The following CACNA1C variants were observed in gnomAD, a reference collection of about 807,000 sequenced individuals.
CACNA1C encodes the protein calcium voltage-gated channel subunit alpha1 C, also known as voltage-dependent L-type calcium channel subunit alpha-1C.
A neutral mutation model predicts 229.0 loss-of-function variants in CACNA1C; 30 were observed. The ratio of observed to expected loss-of-function variants is 0.13; its 90% CI spans 0.10 to 0.18. The LOEUF is 0.18. Ranked by LOEUF, CACNA1C falls within the 10% of genes least tolerant of loss-of-function variation. The probability of loss-of-function intolerance (pLI) is 1.00; values close to 1 mark genes in which losing one functional copy is unlikely to be tolerated. For synonymous variants in CACNA1C, 1,114 were observed against 1,132.5 expected (o/e 0.98, Z 0.33); for missense variants, 1,658 against 2,845.0 (o/e 0.58, Z 9.49).
At chr12:2,041,270 CT>C (rs58922699) in intron 1 of CACNA1C, among the ~76,000 whole-genome samples, 6,607 of 90,484 alleles carry the variant, frequency 0.073, 151 homozygotes, top group East Asian at 0.4. Context: ...TAAGGGTATT[CT>C]TTTTTTTTTT....
chr12:2,200,961 G>A (rs1046262490), intron 3 of CACNA1C, among the ~76,000 whole-genome samples: 1 of 152,210 alleles, frequency 6.6e-6, no homozygotes, highest in Non-Finnish European at 1.5e-5. Context: ...AATGAAGGTA[G>A]CCTAGACATC....
intron 3 of CACNA1C, among the ~76,000 whole-genome samples, chr12:2,341,687 C>T (rs1343938565): frequency 2.0e-5 from 3 of 152,232 alleles, no homozygotes; most frequent in Non-Finnish European, 4.4e-5. Flanking sequence ...AGACCAGGTT[C>T]ATCATCTCCT....
intron 13 of CACNA1C, 56 bp downstream of exon 13, chr12:2,567,850 A>C (rs1568472457): frequency 9.2e-7 from 1 of 1,086,216 alleles, no homozygotes; most frequent in Non-Finnish European, 1.4e-6. Context: ...GTTCTTCCAG[A>C]GGGCAAGGGA....
chr12:2,552,265 G>A lies in CACNA1C; in HGVS notation c.1481+2232G>A, dbSNP rs144910650. Among the ~76,000 whole-genome samples the A allele has an allele frequency of 2.6e-3, 392 of 152,338 alleles. 1 individual carries two copies. Among genetic ancestry groups the A allele is most frequent in the African/African-American group, 8.8e-3 (366 of 41,580 alleles). On this transcript the variant is annotated intron_variant, in intron 10 of 46. Coordinates refer to ENST00000399655, the MANE Select transcript of CACNA1C (RefSeq NM_000719.7). Reference sequence around the variant, plus strand: ...CAACAGGGAGGAAATTGACACCATCGTGCTGGAGCTCACAGTCTAGTGTGG... The same window carrying A: ...CAACAGGGAGGAAATTGACACCATCATGCTGGAGCTCACAGTCTAGTGTGG...
At chr12:2,682,969 T>TTTTATAAACATTGTAGGCTG (rs1173748412) in intron 43 of CACNA1C, among the ~76,000 whole-genome samples, 6 of 8,234 alleles carry the variant, frequency 7.3e-4, no homozygotes. Context: ...CTGAACATTG[T>TTTTATAAACATTGTAGGCTG]TTTATAAACA....
chr12:2,095,115 T>C (rs2073275140), intron 1 of CACNA1C, among the ~76,000 whole-genome samples: 1 of 152,200 alleles, frequency 6.6e-6, no homozygotes, highest in South Asian at 2.1e-4. Context: ...CTGCTTTTGC[T>C]GTTAACCACC....
rs117691136 is a variant in CACNA1C, at chr12:2,000,413, T to G, written c.139+29212T>G. Among the ~76,000 whole-genome samples, 53 of 152,134 alleles carry G rather than the reference T, an allele frequency of 3.5e-4. 1 individual carries two copies. In the East Asian group the frequency reaches 7.0e-3, roughly 20 times the overall value. The stretch of plus-strand genomic sequence containing the variant: ...ATATATCAGCACACATAAAACTAAA[T>G]AGCTTCTGACTTGTTTCCTTTCTTC... On this transcript the variant is annotated intron_variant, in intron 1 of 46. Coordinates refer to the CACNA1C transcript ENST00000682462.
chr12:2,374,404 C>T (rs1314630036), intron 3 of CACNA1C, among the ~76,000 whole-genome samples: 1 of 152,218 alleles, frequency 6.6e-6, no homozygotes, highest in Non-Finnish European at 1.5e-5. Flanking sequence ...GCTTATTTTC[C>T]CATGACTGGG....
At chr12:2,177,934 G>A (rs903531945) in intron 3 of CACNA1C, among the ~76,000 whole-genome samples, 1 of 152,096 alleles carries the variant, frequency 6.6e-6, no homozygotes, top group Non-Finnish European at 1.5e-5. Context: ...ACTGCCCGTG[G>A]CTGATTTCCA....
chr12:2,097,283 C>T (rs1053950948), intron 1 of CACNA1C, among the ~76,000 whole-genome samples: 32 of 152,130 alleles, frequency 2.1e-4, no homozygotes, highest in East Asian at 3.9e-4. Context: ...GTAGCTGGGA[C>T]TACAGGCGCC....
intron 9 of CACNA1C, among the ~76,000 whole-genome samples, chr12:2,519,192 C>T (rs796397922): frequency 1.3e-5 from 2 of 152,374 alleles, no homozygotes; most frequent in African/African-American, 4.8e-5. Context: ...CTGGGCTACA[C>T]TGAGAGGTCC....
At chr12:2,022,053 G>A (rs1208349773) in intron 1 of CACNA1C, among the ~76,000 whole-genome samples, 1 of 152,172 alleles carries the variant, frequency 6.6e-6, no homozygotes, top group Admixed American at 6.5e-5. Context: ...CCACTGTCTA[G>A]GTGGAGTTGG....
rs560832046 is a variant in CACNA1C, at chr12:2,581,124, T to A, written c.1896-466T>A. On this transcript the variant is annotated intron_variant, in intron 13 of 46. Coordinates refer to ENST00000399655, the MANE Select transcript of CACNA1C (RefSeq NM_000719.7). Reference sequence around the variant, plus strand: ...GGGGAAAAAAAGCTTTCTTTCTGTTTAGAGACCAACAGTGACAACAATGAT... The same window carrying A: ...GGGGAAAAAAAGCTTTCTTTCTGTTAAGAGACCAACAGTGACAACAATGAT... Among the ~76,000 whole-genome samples, 395 of 152,322 alleles carry A rather than the reference T, an allele frequency of 2.6e-3. 2 individuals are homozygous for A. The highest frequency in any genetic ancestry group is 9.0e-3 in the African/African-American group (376 of 41,580).
At chr12:2,110,766 A>T (rs1412414860) in intron 1 of CACNA1C, among the ~76,000 whole-genome samples, 2 of 152,196 alleles carry the variant, frequency 1.3e-5, no homozygotes, top group Admixed American at 1.3e-4. Context: ...AGGGTATTGG[A>T]CAGCCTAGGA....
chr12:2,658,732 G>A (rs1569102098), intron 34 of CACNA1C, among the ~76,000 whole-genome samples: 1 of 152,088 alleles, frequency 6.6e-6, no homozygotes, highest in Non-Finnish European at 1.5e-5. Flanking sequence ...GCATGTTAGT[G>A]CCCCTGAAGA....
At chr12:2,035,365 AGCCC>A (rs2154493098) in intron 1 of CACNA1C, among the ~76,000 whole-genome samples, 1 of 152,300 alleles carries the variant, frequency 6.6e-6, no homozygotes, top group South Asian at 2.1e-4. Flanking sequence ...TGTTTCTTGG[AGCCC>A]CTGGGTTCTG....
chr12:2,606,516 A>C, intron 24 of CACNA1C, 95 bp from the exon 25 acceptor site: 1 of 995,002 alleles, frequency 1.0e-6, no homozygotes, highest in Non-Finnish European at 1.6e-6. Context: ...CACTGTCCCT[A>C]GCACAGTGCT....
intron 1 of CACNA1C, among the ~76,000 whole-genome samples, chr12:2,012,886 T>G (rs2044686188): frequency 6.6e-6 from 1 of 152,194 alleles, no homozygotes; most frequent in Admixed American, 6.5e-5. Flanking sequence ...TGACCTGTAT[T>G]TCTACTCCAG....
intron 3 of CACNA1C, among the ~76,000 whole-genome samples, chr12:2,227,489 T>C (rs1382063496): frequency 2.6e-5 from 4 of 152,200 alleles, no homozygotes; most frequent in South Asian, 4.1e-4. Flanking sequence ...TTAAATGATA[T>C]CACATAAAGT....
Sources: allele counts gnomAD v4.1 joint callset (sites outside exome capture counted in the v4.1 genomes callset), GRCh38; gene constraint gnomAD v4.1.1; transcripts MANE v1.5; gene names NCBI Gene and HGNC (gene_info 2026-07-23, HGNC 2026-07-21).